Variants in KIAA1217 observed in about 807,000 individuals in gnomAD.
The protein encoded by KIAA1217 is KIAA1217.
Under a neutral mutation model 163.9 loss-of-function variants are expected in KIAA1217, and 88 were observed. The observed-to-expected ratio is 0.54, with a 90% CI of 0.45 to 0.64. The LOEUF is 0.64. Among genes scored for constraint, KIAA1217 ranks in the 30% least tolerant of loss-of-function variants. The probability of loss-of-function intolerance (pLI) is 0.00; values close to 1 mark genes in which losing one functional copy is unlikely to be tolerated. For missense variants in KIAA1217, 2,372 were observed against 2,475.0 expected (o/e 0.96, Z 0.88); for synonymous variants, 903 against 923.1 (o/e 0.98, Z 0.39).
At chr10:24,532,496 G>A (rs1346000885) in intron 15 of KIAA1217, among the ~76,000 whole-genome samples, 5 of 152,196 alleles carry the variant, frequency 3.3e-5, no homozygotes, top group African/African-American at 7.2e-5. Flanking sequence ...TGCTGATAGA[G>A]ACATGCCTGA....
chr10:24,216,181 C>A (rs1227206315), intron 1 of KIAA1217, among the ~76,000 whole-genome samples: 1 of 152,052 alleles, frequency 6.6e-6, no homozygotes, highest in Non-Finnish European at 1.5e-5. Flanking sequence ...TGGCTCTGAC[C>A]CCCAAAACTC....
At chr10:23,697,789 A>C (rs1457916661) in intron 1 of KIAA1217, among the ~76,000 whole-genome samples, 1 of 151,878 alleles carries the variant, frequency 6.6e-6, no homozygotes, top group Non-Finnish European at 1.5e-5. Flanking sequence ...AGGTGGGAAG[A>C]TCGCTTGAGC....
Position 24,432,392 on chromosome 10 carries a change from A to G in KIAA1217, c.554-603A>G, listed in dbSNP as rs1161279013. Among the ~76,000 whole-genome samples, 4 of 152,262 alleles carry G rather than the reference A, an allele frequency of 2.6e-5. No homozygotes were observed. In the East Asian group the frequency reaches 7.7e-4, roughly 29 times the overall value. ...CTCAGCCTCCCAAAGTGCTGGGATT[A>G]CAGGCGTGAGTTACCGAGCCTGGCC... is the stretch of plus-strand genomic sequence containing the variant. On this transcript the variant is annotated intron_variant, in intron 3 of 20. Transcript: ENST00000376454.
At chr10:24,304,204 C>A (rs2041728640) in intron 2 of KIAA1217, among the ~76,000 whole-genome samples, 2 of 137,918 alleles carry the variant, frequency 1.5e-5, no homozygotes, top group Non-Finnish European at 3.0e-5. Flanking sequence ...TATTAGGTTA[C>A]CTTTTTTTTT....
intron 9 of KIAA1217, 125 bp from the exon 10 acceptor site, chr10:24,513,134 T>C (rs917971892): frequency 1.3e-5 from 11 of 847,112 alleles, no homozygotes; most frequent in Admixed American, 1.2e-4. Flanking sequence ...TCCTTTCTCA[T>C]TGAAATAAGT....
At chr10:23,988,625 A>T (rs1416985521) in intron 1 of KIAA1217, among the ~76,000 whole-genome samples, 1 of 152,252 alleles carries the variant, frequency 6.6e-6, no homozygotes, top group Non-Finnish European at 1.5e-5. Flanking sequence ...AAATAAAATT[A>T]GCATCATAAT....
At chr10:24,161,420 G>T (rs1219417852) in intron 2 of KIAA1217, among the ~76,000 whole-genome samples, 1 of 152,156 alleles carries the variant, frequency 6.6e-6, no homozygotes, top group Non-Finnish European at 1.5e-5. Context: ...CCTTTTAGAT[G>T]ATCTGGTCCA....
chr10:24,095,985 G>A (rs903014768), intron 2 of KIAA1217, among the ~76,000 whole-genome samples: 7 of 152,182 alleles, frequency 4.6e-5, no homozygotes, highest in African/African-American at 1.7e-4. Context: ...GTATGCACCT[G>A]TAGTCCCAGC....
At chr10:23,742,891 G>A (rs555040407) in intron 1 of KIAA1217, among the ~76,000 whole-genome samples, 1 of 152,202 alleles carries the variant, frequency 6.6e-6, no homozygotes. Context: ...GTTTGGGAGT[G>A]TAGGGGTTCA....
At chr10:24,457,542 T>G (rs1393223872) in intron 5 of KIAA1217, among the ~76,000 whole-genome samples, 1 of 152,092 alleles carries the variant, frequency 6.6e-6, no homozygotes, top group Non-Finnish European at 1.5e-5. Flanking sequence ...GGTACAGGCA[T>G]GCACCACCAT....
intron 1 of KIAA1217, among the ~76,000 whole-genome samples, chr10:23,829,194 T>C (rs1022054552): frequency 5.3e-5 from 8 of 152,330 alleles, no homozygotes; most frequent in African/African-American, 1.9e-4. Context: ...AGGAAGATTA[T>C]GATTCTGCAA....
intron 2 of KIAA1217, among the ~76,000 whole-genome samples, chr10:24,152,689 G>A (rs940189688): frequency 2.0e-5 from 3 of 149,712 alleles, no homozygotes; most frequent in Admixed American, 2.0e-4. Context: ...TGTCTAACAC[G>A]TAAATAAACT....
chr10:24,412,002 G>A (rs1247490963), intron 3 of KIAA1217, among the ~76,000 whole-genome samples: 1 of 151,990 alleles, frequency 6.6e-6, no homozygotes, highest in Non-Finnish European at 1.5e-5. Flanking sequence ...CTAGAGCATC[G>A]CCGAGGGTGG....
At chr10:23,764,309 T>C (rs573959244) in intron 1 of KIAA1217, among the ~76,000 whole-genome samples, 1 of 152,284 alleles carries the variant, frequency 6.6e-6, no homozygotes, top group East Asian at 1.9e-4. Flanking sequence ...AAACAATAGA[T>C]GTTGGCGAGG....
intron 2 of KIAA1217, among the ~76,000 whole-genome samples, chr10:24,016,871 G>C (rs971382343): frequency 1.3e-5 from 2 of 151,914 alleles, no homozygotes; most frequent in Admixed American, 1.3e-4. Flanking sequence ...CGTGCAGTGA[G>C]CCTTCAAGAG....
chr10:24,527,766 TGG>T (rs2072424638), intron 13 of KIAA1217, among the ~76,000 whole-genome samples, 168 bp from the exon 14 acceptor site: 1 of 152,136 alleles, frequency 6.6e-6, no homozygotes, highest in Non-Finnish European at 1.5e-5. Flanking sequence ...ACATGTCATA[TGG>T]GTTTGTTGTG....
chr10:24,496,204 T>A (rs994746454), intron 8 of KIAA1217, among the ~76,000 whole-genome samples: 1 of 152,268 alleles, frequency 6.6e-6, no homozygotes, highest in Non-Finnish European at 1.5e-5. Flanking sequence ...CTTCTCTGGC[T>A]GAGCACAATT....
At chr10:23,824,658 A>AAAAAAAATATAT (rs1837805755) in intron 1 of KIAA1217, among the ~76,000 whole-genome samples, 2 of 53,040 alleles carry the variant, frequency 3.8e-5, no homozygotes, top group African/African-American at 6.5e-5. Flanking sequence ...AAATAAAAAA[A>AAAAAAAATATAT]ATATATATAT....
At chr10:24,167,292 T>C (rs1420122584) in intron 2 of KIAA1217, among the ~76,000 whole-genome samples, 2 of 144,148 alleles carry the variant, frequency 1.4e-5, no homozygotes, top group African/African-American at 2.6e-5. Flanking sequence ...TGCGTGTGTG[T>C]GTGTGTGTGT....
Sources: gnomAD v4.1 joint callset for allele counts (sites outside exome capture counted in the v4.1 genomes callset) on GRCh38, gnomAD v4.1.1 for gene constraint, MANE v1.5 for transcripts, NCBI Gene and HGNC (gene_info 2026-07-23, HGNC 2026-07-21) for gene names.